Variants in ATXN7 observed in about 807,000 individuals in gnomAD.
ATXN7 encodes the protein ataxin 7, also known as ataxin-7.
A neutral mutation model predicts 70.5 loss-of-function variants in ATXN7; 12 were observed. The ratio of observed to expected loss-of-function variants is 0.17; its 90% CI spans 0.11 to 0.28. The LOEUF is 0.28. Among genes scored for constraint, ATXN7 ranks in the 10% least tolerant of loss-of-function variants. The probability of loss-of-function intolerance (pLI) is 1.00; values close to 1 mark genes in which losing one functional copy is unlikely to be tolerated. For synonymous variants in ATXN7, 498 were observed against 448.7 expected, an observed-to-expected ratio of 1.11 and a Z score of -1.39; for missense variants, 1,256 against 1,131.7, an observed-to-expected ratio of 1.11 and a Z score of -1.58.
At chr3:63,968,573 G>A (rs1160725315) in intron 5 of ATXN7, 2 of 152,180 alleles carry the variant, frequency 1.3e-5, no homozygotes, top group African/African-American at 2.4e-5. Flanking sequence ...AGAACACTGC[G>A]TCAAGAGGAA....
chr3:63,908,268 T>A (rs1703907395), intron 2 of ATXN7, among the ~76,000 whole-genome samples: 1 of 152,210 alleles, frequency 6.6e-6, no homozygotes, highest in African/African-American at 2.4e-5. Context: ...CTGATATTCA[T>A]GACAAGCTGT....
At chr3:63,885,384 A>G (rs1309058462) in intron 1 of ATXN7, among the ~76,000 whole-genome samples, 2 of 152,192 alleles carry the variant, frequency 1.3e-5, no homozygotes, top group Admixed American at 1.3e-4. Context: ...AGTTAAAACC[A>G]CAGTGAGATA....
chr3:63,999,330 G>C, intron 12 of ATXN7, 120 bp from the exon 13 acceptor site: 1 of 808,054 alleles, frequency 1.2e-6, no homozygotes, highest in Non-Finnish European at 2.1e-6. Flanking sequence ...GTGTCACTCA[G>C]TCAATGGAGA....
At chr3:63,988,642 T>C (rs1429533185) in intron 9 of ATXN7, among the ~76,000 whole-genome samples, 1 of 152,196 alleles carries the variant, frequency 6.6e-6, no homozygotes, top group African/African-American at 2.4e-5. Context: ...ACAGGAACTC[T>C]TCACATGGCT....
At chr3:63,876,178 C>A (rs1038297884) in intron 1 of ATXN7, among the ~76,000 whole-genome samples, 1 of 152,084 alleles carries the variant, frequency 6.6e-6, no homozygotes, top group Non-Finnish European at 1.5e-5. Context: ...GAAAAGAATG[C>A]GAGTAAAGTT....
rs201378707 is a variant in ATXN7, at chr3:63,990,790, C to G, written c.1613C>G (p.Ser538Cys). The change falls in exon 11 of 13, where the codon TCC (serine) becomes TGC (cysteine). Residue 538 changes from serine (S) to cysteine (C), a missense_variant. Transcript: ENST00000674280. Reference protein sequence around the residue: ...QIGRGYYVFDSRWNRLRCALN... With the variant: ...QIGRGYYVFDCRWNRLRCALN... ...GGAAGAGGCTATTACGTGTTTGACTCCAGGTGGAATCGACTTCGCTGCGCC... is the reference window on the plus strand; with the variant it reads ...GGAAGAGGCTATTACGTGTTTGACTGCAGGTGGAATCGACTTCGCTGCGCC... The G allele has an allele frequency of 1.0e-4, 169 of 1,614,054 alleles. No homozygotes were observed. Among genetic ancestry groups the G allele is most frequent in the Non-Finnish European group, 1.4e-4 (161 of 1,180,038 alleles).
intron 1 of ATXN7, among the ~76,000 whole-genome samples, chr3:63,883,288 C>T (rs1283786439): frequency 1.3e-5 from 2 of 152,078 alleles, no homozygotes; most frequent in South Asian, 2.1e-4. Flanking sequence ...AGTATTAGAT[C>T]CTGGCCCCAG....
chr3:63,987,011 GC>G (rs2075588590), intron 8 of ATXN7, among the ~76,000 whole-genome samples: 1 of 152,168 alleles, frequency 6.6e-6, no homozygotes, highest in Admixed American at 6.6e-5. Flanking sequence ...CTCAGGATTA[GC>G]ATCTCCTTGC....
intron 2 of ATXN7, among the ~76,000 whole-genome samples, chr3:63,908,778 A>G (rs1456284436): frequency 6.6e-6 from 1 of 152,208 alleles, no homozygotes; most frequent in African/African-American, 2.4e-5. Context: ...CTTGGAACAA[A>G]ACATTTTATG....
At chr3:63,980,821 G>A (rs140620689) in intron 6 of ATXN7, among the ~76,000 whole-genome samples, 1 of 152,306 alleles carries the variant, frequency 6.6e-6, no homozygotes, top group East Asian at 1.9e-4. Context: ...GGTCTACGGA[G>A]CAAATAGGGA....
rs533177304 is a variant in ATXN7, at chr3:63,923,698, G to A, written c.394+10473G>A. On this transcript the variant is annotated intron_variant, in intron 4 of 12. Transcript: ENST00000674280. The stretch of plus-strand genomic sequence containing the variant: ...AATCCCAGCTACTCAGGAGGCTGAG[G>A]TGGGAGGATCACTTGTGCCCAGGAG... Among the ~76,000 whole-genome samples the A allele has an allele frequency of 6.0e-4, 92 of 152,256 alleles. 1 individual carries two copies. The South Asian group carries it at 7.1e-3, about 12-fold the overall frequency.
intron 4 of ATXN7, among the ~76,000 whole-genome samples, chr3:63,940,285 TCACACACACACACACACACACA>T (rs34660611): frequency 3.5e-5 from 5 of 141,520 alleles, no homozygotes; most frequent in African/African-American, 5.3e-5. Context: ...CCATGCCCCA[TCACACACACACACACACACACA>T]CACACACACA....
intron 2 of ATXN7, among the ~76,000 whole-genome samples, chr3:63,909,935 G>C (rs1703955133): frequency 6.6e-6 from 1 of 152,144 alleles, no homozygotes; most frequent in Non-Finnish European, 1.5e-5. Context: ...CTCAATAATT[G>C]ATAGCTTGCT....
rs998506326 is a variant in ATXN7 at position 63,912,959 on chromosome 3, T to A, written c.325+36T>A. 3.9e-6 allele frequency: 4 copies of A among 1,036,510 alleles called. No homozygotes were observed. In the South Asian group the frequency reaches 5.9e-5, roughly 15 times the overall value. The allele number at this position is 1,036,510 out of a possible 1,614,324, so 64.2% of individuals were successfully genotyped here. ...ACGCCCTCCTCCCCCCTTCACCCCC[T>A]CGCGACCCCCTCCTCTCTCCTCCCC... On this transcript the variant is annotated intron_variant, in intron 3 of 12. Transcript: ENST00000674280.
rs115633756 is a variant in ATXN7, at chr3:63,993,122, C to A, written c.1682+2263C>A. ...GTCTCAGGCCAGTGGTGAAATTAGACCAGCACTTTCTCTGCAGCATGGCCA... is the reference window on the plus strand; with the variant it reads ...GTCTCAGGCCAGTGGTGAAATTAGAACAGCACTTTCTCTGCAGCATGGCCA... On this transcript the variant is annotated intron_variant, in intron 11 of 12. Coordinates refer to ENST00000674280, the MANE Select transcript of ATXN7 (RefSeq NM_001377405.1). Among the ~76,000 whole-genome samples, 4 of 152,208 alleles carry A rather than the reference C, an allele frequency of 2.6e-5. No homozygotes were observed. In the East Asian group the frequency reaches 7.7e-4, roughly 29 times the overall value.
At chr3:63,997,034 A>G (rs1425244401) in intron 12 of ATXN7, among the ~76,000 whole-genome samples, 1 of 152,220 alleles carries the variant, frequency 6.6e-6, no homozygotes, top group Non-Finnish European at 1.5e-5. Context: ...AAGCAGGTAG[A>G]TCACTTGAGG....
intron 4 of ATXN7, among the ~76,000 whole-genome samples, chr3:63,939,089 A>G (rs903651491): frequency 2.7e-4 from 41 of 152,028 alleles, no homozygotes; most frequent in African/African-American, 8.9e-4. Context: ...CTTCAAGATG[A>G]TGGCTTCTTT....
chr3:63,961,500 G>C (rs2075130879), intron 5 of ATXN7, among the ~76,000 whole-genome samples: 1 of 152,100 alleles, frequency 6.6e-6, no homozygotes, highest in African/African-American at 2.4e-5. Flanking sequence ...ACTGTGATTT[G>C]ATGAACTACT....
At chr3:63,943,195 G>A (rs944334093) in intron 4 of ATXN7, among the ~76,000 whole-genome samples, 12 of 152,186 alleles carry the variant, frequency 7.9e-5, no homozygotes, top group Admixed American at 1.3e-4. Context: ...CCATACAGAG[G>A]GAACAGAACT....
Sources: allele counts gnomAD v4.1 joint callset (sites outside exome capture counted in the v4.1 genomes callset), GRCh38; gene constraint gnomAD v4.1.1; transcripts MANE v1.5; gene names NCBI Gene and HGNC (gene_info 2026-07-23, HGNC 2026-07-21).